HYAL4: variants seen among roughly 807,000 people sequenced by gnomAD.
HYAL4 encodes the protein hyaluronidase-4.
A neutral mutation model predicts 35.2 loss-of-function variants in HYAL4; 37 were observed. That is an observed-to-expected ratio of 1.05 (90% CI 0.81 to 1.38). The LOEUF is 1.38. Among genes scored for constraint, HYAL4 ranks in the 40% most tolerant of loss-of-function variants. The probability of loss-of-function intolerance (pLI) is 0.00; values close to 1 mark genes in which losing one functional copy is unlikely to be tolerated. For missense variants in HYAL4, 572 were observed against 572.4 expected, an observed-to-expected ratio of 1.00 and a Z score of 0.01; for synonymous variants, 198 against 203.2, an observed-to-expected ratio of 0.97 and a Z score of 0.22.
At chr7:123,802,019 C>G in the HYAL4 span, among the ~76,000 whole-genome samples, 1 of 152,106 alleles carries the variant, frequency 6.6e-6, no homozygotes, top group Non-Finnish European at 1.5e-5. Flanking sequence ...TGTCTTTTCT[C>G]TTATTCCTCT....
intron 4 of HYAL4, chr7:123,875,968 C>G (rs889242559): frequency 4.4e-6 from 2 of 455,522 alleles, no homozygotes; most frequent in Admixed American, 4.7e-5. Flanking sequence ...CTGTTTATGC[C>G]TATGCCCACA....
chr7:123,770,847 CTTA>C, the HYAL4 span, among the ~76,000 whole-genome samples: 1 of 151,816 alleles, frequency 6.6e-6, no homozygotes, highest in Non-Finnish European at 1.5e-5. Flanking sequence ...GATTCTGTGT[CTTA>C]TTATGAAGCA....
chr7:123,793,050 C>T, the HYAL4 span, among the ~76,000 whole-genome samples: 1 of 152,170 alleles, frequency 6.6e-6, no homozygotes, highest in Non-Finnish European at 1.5e-5. Flanking sequence ...GAGCTCTCTT[C>T]TACAGCTATC....
the HYAL4 span, among the ~76,000 whole-genome samples, chr7:123,783,523 A>G: frequency 6.6e-6 from 1 of 152,156 alleles, no homozygotes; most frequent in South Asian, 2.1e-4. Flanking sequence ...ATTGAAAAGG[A>G]TTTCACTGAC....
chr7:123,866,671 C>A (rs929046646), intron 2 of HYAL4, among the ~76,000 whole-genome samples: 4 of 151,732 alleles, frequency 2.6e-5, no homozygotes, highest in African/African-American at 9.7e-5. Context: ...TGAGCTTTTA[C>A]AAAAATAATT....
chr7:123,858,876 C>G (rs139176072), intron 2 of HYAL4, among the ~76,000 whole-genome samples: 69 of 152,290 alleles, frequency 4.5e-4, no homozygotes, highest in Non-Finnish European at 8.5e-4. Flanking sequence ...TGCACTCTTA[C>G]TGACTTCTGT....
the HYAL4 span, among the ~76,000 whole-genome samples, chr7:123,793,590 A>G: frequency 3.3e-5 from 5 of 152,204 alleles, no homozygotes; most frequent in Admixed American, 6.5e-5. Flanking sequence ...GAGATCTGAT[A>G]GCTTTATAAG....
Position 123,877,097 on chromosome 7 carries a change from GT to G in HYAL4, c.1390del (p.Ser464HisfsTer2). ...TGCTCTGGGGTTTCCCCTTCTCCTG[GT>G]TCACTAATGACACTTTGTCTACTGC... is the stretch of plus-strand genomic sequence containing the variant. ...DGCSGVSPSP[G>X]SLMTLCLLLL... On this transcript the variant is annotated frameshift_variant, in exon 5 of 5. Transcript: ENST00000223026. LOFTEE classifies it low-confidence loss of function (END_TRUNC). 4 of 1,614,152 alleles carry G rather than the reference GT, an allele frequency of 2.5e-6. No homozygotes were observed. Among genetic ancestry groups the G allele is most frequent in the African/African-American group, 1.3e-5 (1 of 75,048 alleles).
At chr7:123,858,930 G>C (rs1806520219) in intron 2 of HYAL4, among the ~76,000 whole-genome samples, 1 of 152,312 alleles carries the variant, frequency 6.6e-6, no homozygotes, top group African/African-American at 2.4e-5. Context: ...CACCAGGGTA[G>C]TTGGACGTAA....
At chr7:123,830,008 A>G (rs938007448) in intron 1 of HYAL4, among the ~76,000 whole-genome samples, 7 of 152,184 alleles carry the variant, frequency 4.6e-5, no homozygotes, top group South Asian at 2.1e-4. Context: ...GCAGGTCACA[A>G]ATAGATCCGA....
At position 123,876,946 on chromosome 7, in the gene HYAL4, G is replaced by A. The variant is rs751616185; in HGVS notation, c.1237G>A (p.Gly413Arg). 4.0e-5 allele frequency: 64 copies of A among 1,614,032 alleles called. No homozygotes were observed. Among genetic ancestry groups the A allele is most frequent in the South Asian group, 2.1e-4 (19 of 91,084 alleles). Residue 413 changes from glycine to arginine, a missense_variant, in exon 5 of 5, where the codon GGG (glycine) becomes AGG (arginine). By Grantham distance (125) the Gly-to-Arg change is moderately radical. Coordinates refer to ENST00000223026, the MANE Select transcript of HYAL4 (RefSeq NM_012269.3). ...ASYHIEASEDGEFTVKGKASD... is the reference protein window; with the variant it reads ...ASYHIEASEDREFTVKGKASD... ...TTACCACATAGAGGCCTCTGAGGAC[G>A]GGGAGTTTACTGTGAAAGGAAAAGC... is the stretch of plus-strand genomic sequence containing the variant.
upstream of HYAL4, among the ~76,000 whole-genome samples, chr7:123,840,714 A>G (rs535591131): frequency 3.3e-5 from 5 of 151,766 alleles, no homozygotes; most frequent in Admixed American, 6.6e-5. Flanking sequence ...TCCCTTGTAA[A>G]TTGGATTCCT....
Position 123,866,769 on chromosome 7 carries a change from C to CCTAT in HYAL4, c.-51-1451_-51-1448dup, listed in dbSNP as rs563010965. Among the ~76,000 whole-genome samples, 17 of 151,864 alleles carry CCTAT rather than the reference C, an allele frequency of 1.1e-4. No individual in the cohort carries two copies. In the East Asian group the frequency reaches 3.3e-3, roughly 29 times the overall value. On this transcript the variant is annotated intron_variant, in intron 2 of 4. Transcript: ENST00000223026. The stretch of plus-strand genomic sequence containing the variant: ...CCCTCTTCTACTATCCAAACACCTA[C>CCTAT]CTATCTTCTCTTTCTCTCTCTTTTT...
Position 123,876,933 on chromosome 7 carries a change from G to A in HYAL4, c.1224G>A (p.Glu408=), listed in dbSNP as rs753610996. ...LHLNPASYHI[E]ASEDGEFTVK... ...TGAACCCTGCAAGTTACCACATAGA[G>A]GCCTCTGAGGACGGGGAGTTTACTG... is the stretch of plus-strand genomic sequence containing the variant. The change falls in exon 5 of 5, where the codon GAG becomes GAA. Residue 408 remains glutamate (E), a synonymous_variant. Transcript: ENST00000223026. The A allele has an allele frequency of 4.3e-6, 7 of 1,614,052 alleles. No homozygotes were observed. Among genetic ancestry groups the A allele is most frequent in the South Asian group, 1.1e-5 (1 of 91,088 alleles).
chr7:123,844,781 T>C (rs1359546397), upstream of HYAL4, among the ~76,000 whole-genome samples: 1 of 152,110 alleles, frequency 6.6e-6, no homozygotes. Flanking sequence ...CACAGTTCAA[T>C]CTCAGACTGC....
At position 123,877,402 on chromosome 7, in the gene HYAL4, A is replaced by G. The variant is rs1671317407; in HGVS notation, c.*247A>G. The G allele has an allele frequency of 2.5e-6, 1 of 392,412 alleles. No homozygotes were observed. The highest frequency in any genetic ancestry group is 4.0e-5 in the Admixed American group (1 of 24,864). The allele number at this position is 392,412 out of a possible 1,614,324, so 24.3% of individuals were successfully genotyped here. A position where few individuals can be genotyped will look rare whatever the true frequency, so the allele number is the denominator to read the frequency against. Reference sequence around the variant, plus strand: ...AATATTTAAGTTGCATTTAAACTAAAACTAGTATAATTTAGTCTTTTCATG... The same window carrying G: ...AATATTTAAGTTGCATTTAAACTAAGACTAGTATAATTTAGTCTTTTCATG... On this transcript the variant is annotated 3_prime_UTR_variant, in exon 5 of 5. Transcript: ENST00000223026.
chr7:123,832,275 C>G (rs1171279481), intron 1 of HYAL4, among the ~76,000 whole-genome samples: 4 of 151,834 alleles, frequency 2.6e-5, no homozygotes, highest in Middle Eastern at 6.8e-3. Flanking sequence ...CTCTGTTTTT[C>G]TTTCTTAAAA....
At position 123,871,112 on chromosome 7, in the gene HYAL4, G is replaced by A. The variant is rs767773254; in HGVS notation, c.954+1885G>A. 3.2e-4 allele frequency among the ~76,000 whole-genome samples: 48 copies of A among 151,824 alleles called. 1 individual carries two copies. Among genetic ancestry groups the A allele is most frequent in the South Asian group, 6.2e-4 (3 of 4,802 alleles). ...ATCTCATTCTGCACTCTTTTTTTCCGAGTGGCAAGCTATTTCCAAGTGTTT... is the reference window on the plus strand; with the variant it reads ...ATCTCATTCTGCACTCTTTTTTTCCAAGTGGCAAGCTATTTCCAAGTGTTT... On this transcript the variant is annotated intron_variant, in intron 3 of 4. Transcript: ENST00000223026.
intron 2 of HYAL4, among the ~76,000 whole-genome samples, chr7:123,854,918 A>G (rs1806397849): frequency 2.0e-5 from 3 of 152,188 alleles, no homozygotes; most frequent in Admixed American, 2.0e-4. Flanking sequence ...TATTGGGTGC[A>G]TATATATTTA....
Sources: allele counts gnomAD v4.1 joint callset (sites outside exome capture counted in the v4.1 genomes callset), GRCh38; gene constraint gnomAD v4.1.1; transcripts MANE v1.5; gene names NCBI Gene and HGNC (gene_info 2026-07-23, HGNC 2026-07-21).